The following SLIT3 variants were observed in gnomAD, a reference collection of about 807,000 sequenced individuals.
SLIT3 encodes slit homolog 3 protein.
In SLIT3, 68 loss-of-function variants were observed where a neutral mutation model predicts 184.0. The ratio of observed to expected loss-of-function variants is 0.37; its 90% confidence interval spans 0.30 to 0.45. SLIT3 has a LOEUF of 0.45. Among genes scored for constraint, SLIT3 ranks in the 20% least tolerant of loss-of-function variants. The pLI is 1.00. For synonymous variants in SLIT3, 831 were observed against 828.6 expected (o/e 1.00, Z -0.05); for missense variants, 1,707 against 2,026.0 (o/e 0.84, Z 3.02).
chr5:169,021,808 C>A lies in SLIT3; in HGVS notation c.414-138472G>T, dbSNP rs1021806094. The stretch of plus-strand genomic sequence containing the variant: ...ATAAAGACATTAATTCTTCGTCTCT[C>A]AGTTTCAAAATTCTAGACCTGCGTT... On this transcript the variant is annotated intron_variant, in intron 4 of 35. Coordinates refer to ENST00000519560, the MANE Select transcript of SLIT3 (RefSeq NM_003062.4). Among the ~76,000 whole-genome samples, 5 of 152,220 alleles carry A rather than the reference C, an allele frequency of 3.3e-5. No homozygotes were observed. The East Asian group carries it at 7.7e-4, about 23-fold the overall frequency.
intron 4 of SLIT3, among the ~76,000 whole-genome samples, chr5:169,088,874 G>A (rs545104903): frequency 1.3e-5 from 2 of 151,714 alleles, no homozygotes; most frequent in South Asian, 4.2e-4. Context: ...ACAAAAATGA[G>A]CCAGGCATGG....
intron 14 of SLIT3, among the ~76,000 whole-genome samples, chr5:168,767,907 T>A (rs1430585033): frequency 6.6e-6 from 1 of 152,080 alleles, no homozygotes; most frequent in African/African-American, 2.4e-5. Context: ...TTGTCTGACA[T>A]CCAGACTAGA....
At chr5:169,144,156 ACACT>A (rs1407404232) in intron 4 of SLIT3, among the ~76,000 whole-genome samples, 1 of 152,182 alleles carries the variant, frequency 6.6e-6, no homozygotes, top group Non-Finnish European at 1.5e-5. Flanking sequence ...TTGTCTTGTG[ACACT>A]CACCTCGCCC....
At chr5:168,783,960 G>A (rs1414017645) in intron 12 of SLIT3, among the ~76,000 whole-genome samples, 1 of 152,184 alleles carries the variant, frequency 6.6e-6, no homozygotes, top group Non-Finnish European at 1.5e-5. Context: ...GCAAAGTCCT[G>A]TTGGTTCTAT....
chr5:169,260,867 T>G (rs116297643), intron 1 of SLIT3, among the ~76,000 whole-genome samples: 1 of 152,202 alleles, frequency 6.6e-6, no homozygotes, highest in Non-Finnish European at 1.5e-5. Context: ...AATAAAGGAG[T>G]AATTACCATA....
At chr5:168,871,558 C>T (rs1759520968) in intron 5 of SLIT3, among the ~76,000 whole-genome samples, 1 of 152,034 alleles carries the variant, frequency 6.6e-6, no homozygotes, top group South Asian at 2.1e-4. Flanking sequence ...GTCAGCCCCA[C>T]TCAAAGAAAT....
At chr5:169,092,084 G>A (rs187066416) in intron 4 of SLIT3, among the ~76,000 whole-genome samples, 14 of 152,316 alleles carry the variant, frequency 9.2e-5, no homozygotes, top group Admixed American at 2.6e-4. Context: ...TTAGCCAGGC[G>A]TGGTGGCAGG....
intron 1 of SLIT3, among the ~76,000 whole-genome samples, chr5:169,285,404 T>G (rs962886727): frequency 6.6e-6 from 1 of 152,182 alleles, no homozygotes; most frequent in East Asian, 1.9e-4. Flanking sequence ...TTTGTCTACT[T>G]AAGAGATTAG....
At chr5:168,689,242 A>G (rs1212971819) in intron 29 of SLIT3, among the ~76,000 whole-genome samples, 1 of 152,234 alleles carries the variant, frequency 6.6e-6, no homozygotes, top group African/African-American at 2.4e-5. Context: ...GGACCTATAT[A>G]GTACTTCTCC....
intron 4 of SLIT3, among the ~76,000 whole-genome samples, chr5:168,909,514 CCT>C (rs1761186386): frequency 6.6e-6 from 1 of 152,116 alleles, no homozygotes; most frequent in East Asian, 1.9e-4. Context: ...CACTAAGGCC[CCT>C]GTGTCCACTG....
chr5:169,295,256 AC>A (rs1228052017), intron 1 of SLIT3, among the ~76,000 whole-genome samples: 7 of 152,274 alleles, frequency 4.6e-5, no homozygotes, highest in Non-Finnish European at 1.0e-4. Context: ...ATTTTAGGTA[AC>A]ACATGACTGT....
chr5:169,021,641 G>A (rs62379475), intron 4 of SLIT3, among the ~76,000 whole-genome samples: 5,360 of 152,234 alleles, frequency 0.035, 122 homozygotes, highest in Middle Eastern at 0.065. Context: ...ATGAGCTACC[G>A]TGCCCAGCCA....
chr5:169,160,559 C>T (rs535430425), intron 4 of SLIT3, among the ~76,000 whole-genome samples: 5 of 152,230 alleles, frequency 3.3e-5, no homozygotes, highest in East Asian at 1.9e-4. Context: ...ATTTATCATC[C>T]GTTTGGACAT....
intron 28 of SLIT3, among the ~76,000 whole-genome samples, chr5:168,694,718 A>C (rs752742143): frequency 2.6e-5 from 4 of 152,174 alleles, no homozygotes; most frequent in Non-Finnish European, 5.9e-5. Flanking sequence ...TCCTGGGTTC[A>C]AGTGATTCTC....
chr5:168,926,539 C>T (rs998180678), intron 4 of SLIT3, among the ~76,000 whole-genome samples: 11 of 152,322 alleles, frequency 7.2e-5, no homozygotes, highest in African/African-American at 1.9e-4. Flanking sequence ...TTCTACCAGT[C>T]AATTCATCTT....
intron 20 of SLIT3, among the ~76,000 whole-genome samples, chr5:168,734,435 C>T (rs1359904074): frequency 2.0e-5 from 3 of 152,198 alleles, no homozygotes; most frequent in African/African-American, 7.2e-5. Flanking sequence ...GGTGTTTGTA[C>T]ACACTAGTGT....
intron 4 of SLIT3, among the ~76,000 whole-genome samples, chr5:169,031,334 G>A (rs1367224975): frequency 1.3e-5 from 2 of 152,068 alleles, no homozygotes; most frequent in Admixed American, 6.5e-5. Flanking sequence ...GACTAGAGGG[G>A]TAGAAAAAAA....
intron 5 of SLIT3, among the ~76,000 whole-genome samples, chr5:168,857,181 T>C (rs548255136): frequency 6.6e-6 from 1 of 152,146 alleles, no homozygotes; most frequent in African/African-American, 2.4e-5. Context: ...GGTCCAGAGC[T>C]CTCCATTGCA....
chr5:169,181,287 T>C (rs536062786), intron 4 of SLIT3, among the ~76,000 whole-genome samples: 1 of 152,312 alleles, frequency 6.6e-6, no homozygotes, highest in African/African-American at 2.4e-5. Flanking sequence ...AGGTTTTGTG[T>C]GTGTGTGCGT....
Sources: gnomAD v4.1 joint callset for allele counts (sites outside exome capture counted in the v4.1 genomes callset) on GRCh38, gnomAD v4.1.1 for gene constraint, MANE v1.5 for transcripts, NCBI Gene and HGNC (gene_info 2026-07-23, HGNC 2026-07-21) for gene names.